Variants in SKIDA1 observed in about 807,000 individuals in gnomAD.
SKIDA1 encodes SKI/DACH domain-containing protein 1.
In SKIDA1, 18 loss-of-function variants were observed where a neutral mutation model predicts 51.4. The ratio of observed to expected loss-of-function variants is 0.35; its 90% CI spans 0.24 to 0.52. The LOEUF is 0.52. SKIDA1 is among the 20% of genes least tolerant of loss of function. The probability of loss-of-function intolerance (pLI) is 0.95; values close to 1 mark genes in which losing one functional copy is unlikely to be tolerated. For synonymous variants in SKIDA1, 579 were observed against 500.5 expected, an observed-to-expected ratio of 1.16 and a Z score of -2.09; for missense variants, 1,104 against 1,180.6, an observed-to-expected ratio of 0.94 and a Z score of 0.95.
rs960100859 is a variant in SKIDA1, at chr10:21,521,490, A to G, written c.-1928-10T>C. 4 of 152,678 alleles carry G rather than the reference A, an allele frequency of 2.6e-5. No individual in the cohort carries two copies. Among genetic ancestry groups the G allele is most frequent in the African/African-American group, 9.6e-5 (4 of 41,462 alleles). The allele number at this position is 152,678 out of a possible 1,614,324, so 9.5% of individuals were successfully genotyped here. Reference sequence around the variant, plus strand: ...ACCATGTCAGCTGACTCTACAATCAAAGATGAACCCAATTCAGATAATGGA... The same window carrying G: ...ACCATGTCAGCTGACTCTACAATCAGAGATGAACCCAATTCAGATAATGGA... On this transcript the variant is annotated splice_polypyrimidine_tract_variant and intron_variant, in intron 2 of 3. Coordinates refer to ENST00000449193, the MANE Select transcript of SKIDA1 (RefSeq NM_207371.4).
In SKIDA1 at chr10:21,517,876, C is replaced by A; in HGVS notation, c.-54G>T. 6.8e-7 allele frequency: 1 copy of A among 1,470,140 alleles called. No homozygotes were observed. The highest frequency in any genetic ancestry group is 9.2e-7 in the Non-Finnish European group (1 of 1,084,298). 91.1% of individuals were successfully genotyped at this position (1,470,140 alleles called of 1,614,324 possible). A position where few individuals can be genotyped will look rare whatever the true frequency, so the allele number is the denominator to read the frequency against. On this transcript the variant is annotated 5_prime_UTR_variant, in exon 4 of 4. An upstream start codon of the reference 5' UTR is lost. Coordinates refer to ENST00000449193, the MANE Select transcript of SKIDA1 (RefSeq NM_207371.4). This position sits in a 1 kb window ranked among gnomAD's most constrained non-coding sequence, Gnocchi z 6.9. ...GCAGTAAATATATACGTGACGCATA[C>A]ATACACATGTATGTATGTTAATCCT...
rs376188457 is a variant in SKIDA1 at position 21,515,860 on chromosome 10, G to C, written c.1963C>G (p.Pro655Ala). Reference protein sequence around the residue: ...ATDLPSSQTDPEVNAAGAAAT... With the variant: ...ATDLPSSQTDAEVNAAGAAAT... ...GCTGCTCCTGCAGCGTTCACTTCAG[G>C]ATCAGTCTGCGAAGAGGGCAAATCC... The change falls in exon 4 of 4, where the codon CCT becomes GCT. Residue 655 changes from proline to alanine, a missense_variant. By Grantham distance (27) the Pro-to-Ala change is conservative (BLOSUM62 -1). Coordinates refer to ENST00000449193, the MANE Select transcript of SKIDA1 (RefSeq NM_207371.4). 13 of 1,613,926 alleles carry C rather than the reference G, an allele frequency of 8.1e-6. No homozygotes were observed. The highest frequency in any genetic ancestry group is 3.3e-5 in the Admixed American group (2 of 60,016).
chr10:21,515,547 C>T lies in SKIDA1; in HGVS notation c.2276G>A (p.Cys759Tyr), dbSNP rs760953882. The change falls in exon 4 of 4, where the codon TGC (cysteine) becomes TAC (tyrosine). Residue 759 changes from cysteine (C) to tyrosine (Y), a missense_variant. Transcript: ENST00000449193. ...NPLAQSQGLS[C>Y]TLGSPKPEDG... ...CTCAGGTTTTGGAGAACCTAAAGTG[C>T]ATGAAAGGCCCTGACTTTGAGCCAG... 2.2e-5 allele frequency: 36 copies of T among 1,613,978 alleles called. No individual in the cohort carries two copies. In the Admixed American group the frequency reaches 6.0e-4, roughly 27 times the overall value.
At chr10:21,522,645 A>C (rs1281929446) in intron 2 of SKIDA1, among the ~76,000 whole-genome samples, 1 of 152,182 alleles carries the variant, frequency 6.6e-6, no homozygotes, top group Non-Finnish European at 1.5e-5. Context: ...GAAACAAATG[A>C]TAACTTAGTA....
intron 1 of SKIDA1, chr10:21,524,595 G>C (rs1331507766): frequency 8.9e-6 from 1 of 111,854 alleles, no homozygotes; most frequent in Non-Finnish European, 2.1e-5. Flanking sequence ...CTAAGGCGGG[G>C]GGGGGGGGGG....
rs1244384549 is a variant in SKIDA1 at position 21,514,230 on chromosome 10, A to AT, written c.*865_*866insA. ...ACTCTCTCCAAAAAAAAAAAAAAAA[A>AT]AAAAAAGAAATATTTCAATTGTTTT... On this transcript the variant is annotated 3_prime_UTR_variant, in exon 4 of 4. Coordinates refer to ENST00000449193, the MANE Select transcript of SKIDA1 (RefSeq NM_207371.4). 1 of 150,714 alleles carries AT rather than the reference A, an allele frequency of 6.6e-6. No homozygotes were observed. The highest frequency in any genetic ancestry group is 1.5e-5 in the Non-Finnish European group (1 of 67,424). The allele number at this position is 150,714 out of a possible 1,614,324, so 9.3% of individuals were successfully genotyped here.
chr10:21,517,096 C>T lies in SKIDA1; in HGVS notation c.727G>A (p.Ala243Thr). Residue 243 changes from alanine (A) to threonine (T), a missense_variant, in exon 4 of 4, where the codon GCC becomes ACC. Physicochemically the swap from Ala to Thr is moderately conservative, Grantham distance 58. Coordinates refer to ENST00000449193, the MANE Select transcript of SKIDA1 (RefSeq NM_207371.4). This position sits in a 1 kb window ranked among gnomAD's most constrained non-coding sequence, Gnocchi z 6.9. ...AAAAAAAAAA[A>T]AYYQVSAAGP... ...GCCGCCGATACCTGGTAATAGGCGG[C>T]GGCGGCGGCGGCGGCGGCGGCGGCA... The T allele has an allele frequency of 1.0e-6, 1 of 988,674 alleles. No homozygotes were observed. The highest frequency in any genetic ancestry group is 1.2e-6 in the Non-Finnish European group (1 of 835,062). 61.2% of individuals were successfully genotyped at this position (988,674 alleles called of 1,614,324 possible). A position where few individuals can be genotyped will look rare whatever the true frequency, so the allele number is the denominator to read the frequency against.
chr10:21,522,314 C>T (rs1367802117), intron 2 of SKIDA1, among the ~76,000 whole-genome samples: 2 of 119,600 alleles, frequency 1.7e-5, no homozygotes, highest in African/African-American at 3.1e-5. Flanking sequence ...TCACCATATA[C>T]GTTTGTTTTA....
rs984864113 is a variant in SKIDA1 at position 21,519,534 on chromosome 10, A to G, written c.-1712T>C. 6.0e-6 allele frequency: 1 copy of G among 167,030 alleles called. No individual in the cohort carries two copies. The highest frequency in any genetic ancestry group is 1.5e-5 in the Non-Finnish European group (1 of 68,100). The allele number at this position is 167,030 out of a possible 1,614,324, so 10.3% of individuals were successfully genotyped here. A position where few individuals can be genotyped will look rare whatever the true frequency, so the allele number is the denominator to read the frequency against. The stretch of plus-strand genomic sequence containing the variant: ...TGGCTGCTTTGCAAAATTCGGCAAA[A>G]TCTTCTTAACTGTTCAGTGTTTGCA... On this transcript the variant is annotated 5_prime_UTR_variant, in exon 4 of 4. Transcript: ENST00000449193.
In SKIDA1 at chr10:21,516,551, T is replaced by TTCC; in HGVS notation, c.1269_1271dup (p.Glu428dup). 1.4e-6 allele frequency: 1 copy of TTCC among 704,192 alleles called. No homozygotes were observed. The highest frequency in any genetic ancestry group is 2.0e-6 in the Non-Finnish European group (1 of 506,710). 43.6% of individuals were successfully genotyped at this position (704,192 alleles called of 1,614,324 possible). A position where few individuals can be genotyped will look rare whatever the true frequency, so the allele number is the denominator to read the frequency against. On this transcript the variant is annotated inframe_insertion, in exon 4 of 4. Transcript: ENST00000449193. The surrounding 1 kb of genome is among the most constrained non-coding windows in gnomAD (Gnocchi z 5.7). ...CCCCGCTGCCCCCCTCCTCCTCCTCTTCCTCCTCCTCCTCCTCTCCCTCCT... is the reference window on the plus strand; with the variant it reads ...CCCCGCTGCCCCCCTCCTCCTCCTCTTCCTCCTCCTCCTCCTCCTCTCCCTCCT...
chr10:21,517,592 G>A lies in SKIDA1; in HGVS notation c.231C>T (p.Ala77=), dbSNP rs760362356. ...CCCGGGAGATGAGCGTGCATTTGGC[G>A]GCGTGGAAGGCGATGCTGTTAATTG... ...LKAINSIAFH[A]AKCTLISRED... Residue 77 remains alanine, a synonymous_variant, in exon 4 of 4, where the codon GCC becomes GCT. Coordinates refer to ENST00000449193, the MANE Select transcript of SKIDA1 (RefSeq NM_207371.4). This position sits in a 1 kb window ranked among gnomAD's most constrained non-coding sequence, Gnocchi z 6.9. 2 of 1,613,668 alleles carry A rather than the reference G, an allele frequency of 1.2e-6. No homozygotes were observed. Among genetic ancestry groups the A allele is most frequent in the Non-Finnish European group, 1.7e-6 (2 of 1,179,748 alleles).
rs2032106204 is a variant in SKIDA1, at chr10:21,513,848, T to C, written c.*1248A>G. ...GGGGTATTGCAACTCTGACCCCTCATTTTCTTTTTCTTGGTTGTATTTACT... is the reference window on the plus strand; with the variant it reads ...GGGGTATTGCAACTCTGACCCCTCACTTTCTTTTTCTTGGTTGTATTTACT... On this transcript the variant is annotated 3_prime_UTR_variant, in exon 4 of 4. Coordinates refer to ENST00000449193, the MANE Select transcript of SKIDA1 (RefSeq NM_207371.4). The C allele has an allele frequency of 6.6e-6, 1 of 152,172 alleles. No homozygotes were observed. The highest frequency in any genetic ancestry group is 1.5e-5 in the Non-Finnish European group (1 of 68,036). The allele number at this position is 152,172 out of a possible 1,614,324, so 9.4% of individuals were successfully genotyped here. A position where few individuals can be genotyped will look rare whatever the true frequency, so the allele number is the denominator to read the frequency against.
In SKIDA1 at chr10:21,517,153, C is replaced by T; in HGVS notation, c.670G>A (p.Ala224Thr). ...FRSLLCSKHP[A>T]AAAAAAAAAA... is the part of the protein sequence containing the mutation. Reference sequence around the variant, plus strand: ...GCGGCGGCGGCGGCGGCGGCGGCTGCCGGGTGTTTGCTGCACAGCAGGCTC... The same window carrying T: ...GCGGCGGCGGCGGCGGCGGCGGCTGTCGGGTGTTTGCTGCACAGCAGGCTC... Residue 224 changes from alanine (A) to threonine (T), a missense_variant, in exon 4 of 4, where the codon GCA becomes ACA. By Grantham distance (58) the Ala-to-Thr change is moderately conservative (BLOSUM62 0). This residue lies in a region of SKIDA1 where 938 missense variants were observed against 886.4 expected (regional missense o/e 1.06). Transcript: ENST00000449193. This position sits in a 1 kb window ranked among gnomAD's most constrained non-coding sequence, Gnocchi z 6.9. 7.9e-7 allele frequency: 1 copy of T among 1,273,452 alleles called. No individual in the cohort carries two copies. Among genetic ancestry groups the T allele is most frequent in the Non-Finnish European group, 1.0e-6 (1 of 1,004,428 alleles). The allele number at this position is 1,273,452 out of a possible 1,614,324, so 78.9% of individuals were successfully genotyped here.
intron 3 of SKIDA1, 93 bp from the exon 4 acceptor site, chr10:21,519,751 C>T (rs1157872870): frequency 6.0e-6 from 1 of 166,334 alleles, no homozygotes; most frequent in Non-Finnish European, 1.5e-5. Context: ...GCAGGTATGG[C>T]TCAAAAAAGA....
Position 21,517,405 on chromosome 10 carries a change from G to A in SKIDA1, c.418C>T (p.Arg140Trp). ...GGCCGCGCGGCTCCGCTCAGGCCCC[G>A]CCAAAGTTGGTGCTTGTCCTTCCAA... ...GFWKDKHQLW[R>W]GLSGAARPLP... is the part of the protein sequence containing the mutation. Residue 140 changes from arginine to tryptophan, a missense_variant, in exon 4 of 4, where the codon CGG becomes TGG. Arg to Trp is a moderately radical substitution (Grantham distance 101, BLOSUM62 -3). Around this residue, in one of 3 missense-constraint regions of SKIDA1, gnomAD observed 938 missense variants for 886.4 expected, o/e 1.06. Coordinates refer to ENST00000449193, the MANE Select transcript of SKIDA1 (RefSeq NM_207371.4). The surrounding 1 kb of genome is among the most constrained non-coding windows in gnomAD (Gnocchi z 6.9). 1 of 1,462,816 alleles carries A rather than the reference G, an allele frequency of 6.8e-7. No individual in the cohort carries two copies. 90.6% of individuals were successfully genotyped at this position (1,462,816 alleles called of 1,614,324 possible).
rs1310144470 is a variant in SKIDA1 at position 21,516,769 on chromosome 10, G to C, written c.1054C>G (p.Arg352Gly). The C allele has an allele frequency of 6.6e-7, 1 of 1,519,716 alleles. No homozygotes were observed. Among genetic ancestry groups the C allele is most frequent in the South Asian group, 1.2e-5 (1 of 80,804 alleles). 94.1% of individuals were successfully genotyped at this position (1,519,716 alleles called of 1,614,324 possible). ...HHHHHHHHHH[R>G]AQPPQQSHHP... ...TGACTCTGCTGCGGCGGCTGGGCCCGGTGGTGGTGGTGGTGGTGGTGATGG... is the reference window on the plus strand; with the variant it reads ...TGACTCTGCTGCGGCGGCTGGGCCCCGTGGTGGTGGTGGTGGTGGTGATGG... Residue 352 changes from arginine (R) to glycine (G), a missense_variant, in exon 4 of 4, where the codon CGG becomes GGG. Coordinates refer to ENST00000449193, the MANE Select transcript of SKIDA1 (RefSeq NM_207371.4). This position sits in a 1 kb window ranked among gnomAD's most constrained non-coding sequence, Gnocchi z 5.7.
In SKIDA1 at chr10:21,516,417, G is replaced by T; in HGVS notation, c.1406C>A (p.Thr469Asn). 4 of 1,613,464 alleles carry T rather than the reference G, an allele frequency of 2.5e-6. No individual in the cohort carries two copies. Among genetic ancestry groups the T allele is most frequent in the Non-Finnish European group, 3.4e-6 (4 of 1,179,900 alleles). ...CACGCTGGGAGGCTTGCAGAAGCTGGTGCGCCTGAATCGGATGCTCTGCAC... is the reference window on the plus strand; with the variant it reads ...CACGCTGGGAGGCTTGCAGAAGCTGTTGCGCCTGAATCGGATGCTCTGCAC... ...VSVQSIRFRR[T>N]SFCKPPSVQA... is the part of the protein sequence containing the mutation. The change falls in exon 4 of 4, where the codon ACC (threonine) becomes AAC (asparagine). Residue 469 changes from threonine to asparagine, a missense_variant. This residue lies in a region of SKIDA1 where 938 missense variants were observed against 886.4 expected (regional missense o/e 1.06). Transcript: ENST00000449193. This position sits in a 1 kb window ranked among gnomAD's most constrained non-coding sequence, Gnocchi z 5.7.
chr10:21,515,583 G>T lies in SKIDA1; in HGVS notation c.2240C>A (p.Ser747Tyr), dbSNP rs2032173831. The change falls in exon 4 of 4, where the codon TCC becomes TAC. Residue 747 changes from serine to tyrosine, a missense_variant. Ser to Tyr is a moderately radical substitution (Grantham distance 144). Around this residue, in one of 3 missense-constraint regions of SKIDA1, gnomAD observed 938 missense variants for 886.4 expected, o/e 1.06. Transcript: ENST00000449193. ...CTGACTTTGAGCCAGTGGATTTAAG[G>T]AAGGAGTTTCTTTTTCAGGGCATGC... ...GFACPEKETP[S>Y]LNPLAQSQGL... 1.9e-6 allele frequency: 3 copies of T among 1,614,004 alleles called. No individual in the cohort carries two copies. The African/African-American group carries it at 4.0e-5, about 22-fold the overall frequency.
rs147567088 is a variant in SKIDA1 at position 21,518,966 on chromosome 10, C to T, written c.-1144G>A. Reference sequence around the variant, plus strand: ...ACACTGTAACAATTCAACTGGATTTCGGTTCTCTGCTGGGGGGTGGGGTGG... The same window carrying T: ...ACACTGTAACAATTCAACTGGATTTTGGTTCTCTGCTGGGGGGTGGGGTGG... On this transcript the variant is annotated 5_prime_UTR_variant, in exon 4 of 4. Coordinates refer to ENST00000449193, the MANE Select transcript of SKIDA1 (RefSeq NM_207371.4). 1.4e-4 allele frequency: 23 copies of T among 165,506 alleles called. No individual in the cohort carries two copies. Among genetic ancestry groups the T allele is most frequent in the African/African-American group, 4.9e-4 (20 of 40,906 alleles). 10.3% of individuals were successfully genotyped at this position (165,506 alleles called of 1,614,324 possible). A position where few individuals can be genotyped will look rare whatever the true frequency, so the allele number is the denominator to read the frequency against.
Sources: gnomAD v4.1 joint callset for allele counts (sites outside exome capture counted in the v4.1 genomes callset) on GRCh38, gnomAD v4.1.1 for gene constraint, gnomAD v4.1.1 regional missense constraint, Gnocchi (gnomAD v3.1) non-coding constraint, MANE v1.5 for transcripts, NCBI Gene and HGNC (gene_info 2026-07-23, HGNC 2026-07-21) for gene names.